Variants in DIAPH3 observed in about 807,000 individuals in gnomAD.
DIAPH3 encodes diaphanous related formin 3.
In DIAPH3, 117 loss-of-function variants were observed where a neutral mutation model predicts 144.3. The observed-to-expected ratio is 0.81, with a 90% CI of 0.70 to 0.95. The LOEUF is 0.95. Among genes scored for constraint, DIAPH3 ranks in the 40% least tolerant of loss-of-function variants. DIAPH3 has a pLI of 0.00. For missense variants in DIAPH3, 1,421 were observed against 1,412.7 expected (o/e 1.01, Z -0.09); for synonymous variants, 519 against 488.9 (o/e 1.06, Z -0.81).
At chr13:59,981,200 C>G (rs918671133) in intron 13 of DIAPH3, among the ~76,000 whole-genome samples, 1 of 150,772 alleles carries the variant, frequency 6.6e-6, no homozygotes, top group Non-Finnish European at 1.5e-5. Context: ...TTAAAAAAAA[C>G]AGCCAACAGT....
At chr13:59,766,636 C>T (rs937820611) in intron 27 of DIAPH3, among the ~76,000 whole-genome samples, 11 of 152,168 alleles carry the variant, frequency 7.2e-5, no homozygotes, top group Admixed American at 1.3e-4. Flanking sequence ...CTTAGCCCCA[C>T]ACCTCCAGAA....
intron 20 of DIAPH3, among the ~76,000 whole-genome samples, chr13:59,896,272 TA>T (rs1425198138): frequency 1.3e-5 from 2 of 152,320 alleles, no homozygotes; most frequent in East Asian, 1.9e-4. Context: ...TGTAAGTCAC[TA>T]AATAAACTTC....
At chr13:60,074,770 C>CT (rs956497961) in intron 4 of DIAPH3, among the ~76,000 whole-genome samples, 39 of 148,992 alleles carry the variant, frequency 2.6e-4, no homozygotes, top group African/African-American at 6.1e-4. Flanking sequence ...TATACATATG[C>CT]TTTTTTTTTT....
intron 27 of DIAPH3, among the ~76,000 whole-genome samples, chr13:59,728,991 G>C (rs796964620): frequency 7.2e-5 from 11 of 151,878 alleles, no homozygotes; most frequent in African/African-American, 2.7e-4. Flanking sequence ...TAGCTACTGG[G>C]AGCTGAAATC....
chr13:60,020,921 G>T (rs1001894908), intron 5 of DIAPH3: 1 of 152,180 alleles, frequency 6.6e-6, no homozygotes, highest in African/African-American at 2.4e-5. Flanking sequence ...TTCTAAGCAG[G>T]AGGGCATATG....
chr13:60,003,868 C>T lies in DIAPH3; in HGVS notation c.1014+4676G>A, dbSNP rs185399137. Among the ~76,000 whole-genome samples the T allele has an allele frequency of 1.8e-3, 274 of 152,270 alleles. 2 individuals carry two copies. Among genetic ancestry groups the T allele is most frequent in the Middle Eastern group, 0.01 (3 of 294 alleles). On this transcript the variant is annotated intron_variant, in intron 9 of 27. Coordinates refer to ENST00000400324, the MANE Select transcript of DIAPH3 (RefSeq NM_001042517.2). Reference sequence around the variant, plus strand: ...GTGCTGGGATTACAGACGTGGGCCACCACGCACGGCCCCTGATAATATTCT... The same window carrying T: ...GTGCTGGGATTACAGACGTGGGCCATCACGCACGGCCCCTGATAATATTCT...
At chr13:60,058,635 T>A (rs1347392651) in intron 4 of DIAPH3, among the ~76,000 whole-genome samples, 3 of 151,688 alleles carry the variant, frequency 2.0e-5, no homozygotes, top group African/African-American at 7.3e-5. Context: ...AACTGGTGAG[T>A]GGATAAAGAA....
At position 60,008,583 on chromosome 13, in the gene DIAPH3, A is replaced by G. The variant is rs2053040797; in HGVS notation, c.975T>C (p.Cys325=). ...GEEKKIDRFF[C]IVEGLRHNSV... ...AATTGTGCCGGAGGCCTTCCACAAT[A>G]CAAAAAAATCTGTCAATTTTTTTTT... The change falls in exon 9 of 28, where the codon TGT becomes TGC. Residue 325 remains cysteine, a synonymous_variant. Transcript: ENST00000400324. 6.2e-7 allele frequency: 1 copy of G among 1,613,706 alleles called. No individual in the cohort carries two copies. Among genetic ancestry groups the G allele is most frequent in the African/African-American group, 1.3e-5 (1 of 74,926 alleles).
chr13:59,962,896 T>G (rs947324232), intron 17 of DIAPH3, among the ~76,000 whole-genome samples: 17 of 152,186 alleles, frequency 1.1e-4, no homozygotes, highest in Non-Finnish European at 2.1e-4. Context: ...ATAATTCTAA[T>G]GTATTTTGAA....
intron 5 of DIAPH3, among the ~76,000 whole-genome samples, chr13:60,021,666 C>CAA (rs55896515): frequency 0.057 from 4,648 of 81,296 alleles, 165 homozygotes; most frequent in Admixed American, 0.12. Flanking sequence ...GGCTCTGTCT[C>CAA]AAAAAAAAAA....
chr13:59,804,046 C>A (rs2040071886), intron 25 of DIAPH3, among the ~76,000 whole-genome samples: 1 of 152,202 alleles, frequency 6.6e-6, no homozygotes, highest in South Asian at 2.1e-4. Flanking sequence ...GGTTCCTTAA[C>A]TTCTATTCTG....
chr13:59,853,817 C>T (rs769565511), intron 22 of DIAPH3, among the ~76,000 whole-genome samples: 55 of 152,112 alleles, frequency 3.6e-4, no homozygotes, highest in Non-Finnish European at 6.9e-4. Context: ...AACTATTTCA[C>T]AATTTAATGA....
intron 5 of DIAPH3, among the ~76,000 whole-genome samples, chr13:60,027,135 C>T (rs1167840905): frequency 1.3e-5 from 2 of 152,166 alleles, no homozygotes; most frequent in Non-Finnish European, 2.9e-5. Flanking sequence ...CCTACCTTTA[C>T]CAAGGTGACT....
intron 17 of DIAPH3, among the ~76,000 whole-genome samples, chr13:59,934,067 G>GA (rs1484960957): frequency 3.3e-5 from 5 of 151,884 alleles, no homozygotes; most frequent in Non-Finnish European, 5.9e-5. Flanking sequence ...CATTGCAAAA[G>GA]AAAAAACACC....
At chr13:60,145,068 A>G (rs1217644501) in intron 1 of DIAPH3, among the ~76,000 whole-genome samples, 3 of 152,224 alleles carry the variant, frequency 2.0e-5, no homozygotes, top group Non-Finnish European at 4.4e-5. Context: ...TAGTATACCC[A>G]GCAACCCTAA....
At chr13:59,917,253 C>A (rs1355669791) in intron 18 of DIAPH3, among the ~76,000 whole-genome samples, 1 of 152,038 alleles carries the variant, frequency 6.6e-6, no homozygotes, top group East Asian at 1.9e-4. Context: ...GATACAGAAA[C>A]CATGGATATA....
chr13:60,002,647 A>T (rs888156306), intron 9 of DIAPH3, among the ~76,000 whole-genome samples: 13 of 152,166 alleles, frequency 8.5e-5, no homozygotes, highest in African/African-American at 3.1e-4. Flanking sequence ...CCCATCAGCA[A>T]CTTCATGGGT....
intron 4 of DIAPH3, among the ~76,000 whole-genome samples, chr13:60,081,614 A>C (rs116256312): frequency 1.9e-3 from 294 of 152,130 alleles, no homozygotes; most frequent in African/African-American, 6.5e-3. Flanking sequence ...ACACCCAACA[A>C]TATTGAGTGA....
intron 4 of DIAPH3, among the ~76,000 whole-genome samples, chr13:60,061,322 T>G (rs985881540): frequency 1.3e-5 from 2 of 152,010 alleles, no homozygotes; most frequent in African/African-American, 4.8e-5. Flanking sequence ...TACCTCATAC[T>G]AAGGAAAGGA....
Sources: gnomAD v4.1 joint callset for allele counts (sites outside exome capture counted in the v4.1 genomes callset) on GRCh38, gnomAD v4.1.1 for gene constraint, MANE v1.5 for transcripts, NCBI Gene and HGNC (gene_info 2026-07-23, HGNC 2026-07-21) for gene names.